The following THOC2 variants were observed in gnomAD, a reference collection of about 807,000 sequenced individuals.
THOC2 encodes the protein THO complex subunit 2.
Under a neutral mutation model 128.4 loss-of-function variants are expected in THOC2, and 10 were observed. The ratio of observed to expected loss-of-function variants is 0.08; its 90% CI spans 0.05 to 0.13. THOC2 has a LOEUF of 0.13. Among genes scored for constraint, THOC2 ranks in the 10% least tolerant of loss-of-function variants. THOC2 has a pLI of 1.00. For missense variants in THOC2, 535 were observed against 1,155.7 expected (o/e 0.46, Z 7.79); for synonymous variants, 393 against 396.9 (o/e 0.99, Z 0.12).
intron 2 of THOC2, among the ~76,000 whole-genome samples, chrX:123,707,597 G>GA (rs1367456556): frequency 1.8e-5 from 2 of 111,004 alleles, no homozygotes; most frequent in Non-Finnish European, 1.9e-5. Context: ...CCCCTTTCCT[G>GA]AAAAAAGATA....
intron 7 of THOC2, 136 bp from the exon 8 acceptor site, chrX:123,686,850 T>A (rs1302319390): frequency 1.6e-5 from 8 of 489,867 alleles, no homozygotes; most frequent in Non-Finnish European, 2.3e-5. Flanking sequence ...ATTTGCTTCC[T>A]CTCTCCCAGA....
intron 26 of THOC2, 109 bp from the exon 27 acceptor site, chrX:123,624,300 G>A (rs1476818819): frequency 5.0e-6 from 4 of 805,036 alleles, no homozygotes; most frequent in Admixed American, 3.9e-5. Flanking sequence ...AACATCATGC[G>A]TATTTGGATA....
rs769738788 is a variant in THOC2 at position 123,678,057 on chromosome X, T to C, written c.769-6296A>G. Among the ~76,000 whole-genome samples the C allele has an allele frequency of 1.2e-4, 13 of 110,070 alleles. No individual in the cohort carries two copies. In the South Asian group the frequency reaches 2.0e-3, roughly 17 times the overall value. On this transcript the variant is annotated intron_variant, in intron 8 of 38. Coordinates refer to ENST00000245838, the MANE Select transcript of THOC2 (RefSeq NM_001081550.2). ...ATAACACTCATGAAGCGGTCATCTA[T>C]GATGACAATGTCTTCTTCTGGAATA...
chrX:123,694,434 G>T (rs144897444), intron 7 of THOC2, among the ~76,000 whole-genome samples: 2 of 109,544 alleles, frequency 1.8e-5, no homozygotes, highest in African/African-American at 3.3e-5. Context: ...GGCCAACATG[G>T]CAAAACTCCA....
intron 12 of THOC2, among the ~76,000 whole-genome samples, chrX:123,660,765 G>A (rs1249440412): frequency 2.7e-5 from 3 of 111,054 alleles, no homozygotes; most frequent in African/African-American, 9.8e-5. Flanking sequence ...CATATTTGTG[G>A]GGTACCTGTG....
chrX:123,644,563 A>G lies in THOC2; in HGVS notation c.1661+12T>C. On this transcript the variant is annotated intron_variant, in intron 15 of 38. Transcript: ENST00000245838. ...TAATTTAGATTAATATGAAAAATAA[A>G]TTAAAACTTACTTCATGATATATTT... The G allele has an allele frequency of 9.1e-7, 1 of 1,099,207 alleles. No individual in the cohort carries two copies. Among genetic ancestry groups the G allele is most frequent in the Non-Finnish European group, 1.2e-6 (1 of 812,467 alleles). 90.6% of individuals were successfully genotyped at this position (1,099,207 alleles called of 1,213,427 possible). A position where few individuals can be genotyped will look rare whatever the true frequency, so the allele number is the denominator to read the frequency against.
chrX:123,703,071 A>C (rs1199273578), intron 4 of THOC2, among the ~76,000 whole-genome samples: 2 of 111,939 alleles, frequency 1.8e-5, no homozygotes, highest in Non-Finnish European at 3.8e-5. Context: ...GAATCAAAAG[A>C]GTACAAGAGC....
At chrX:123,691,895 A>C (rs977418828) in intron 7 of THOC2, among the ~76,000 whole-genome samples, 2 of 112,457 alleles carry the variant, frequency 1.8e-5, no homozygotes, top group African/African-American at 6.5e-5. Context: ...TTTTGTAAAT[A>C]ACATTTTATT....
At chrX:123,701,091 G>A (rs915063594) in intron 4 of THOC2, among the ~76,000 whole-genome samples, 1 of 110,793 alleles carries the variant, frequency 9.0e-6, no homozygotes, top group Non-Finnish European at 1.9e-5. Flanking sequence ...GGTAGCTCAC[G>A]CCTATAATCC....
At chrX:123,719,076 G>A (rs1366146747) in intron 1 of THOC2, among the ~76,000 whole-genome samples, 1 of 108,710 alleles carries the variant, frequency 9.2e-6, no homozygotes, top group Non-Finnish European at 1.9e-5. Context: ...TACTCGGGAG[G>A]CTGAGGCAGG....
At chrX:123,638,695 G>A (rs1177559764) in intron 17 of THOC2, among the ~76,000 whole-genome samples, 2 of 104,601 alleles carry the variant, frequency 1.9e-5, no homozygotes, top group East Asian at 6.0e-4. Context: ...AGCCTAACAT[G>A]TCTCCCTTTA....
intron 19 of THOC2, among the ~76,000 whole-genome samples, chrX:123,634,273 ATAATTGCAAAT>A (rs1159161215): frequency 1.8e-5 from 2 of 111,876 alleles, no homozygotes; most frequent in Non-Finnish European, 3.8e-5. Flanking sequence ...TTACTTGGAA[ATAATTGCAAAT>A]TTACAGATAG....
chrX:123,726,512 CAAAA>C (rs567231605), intron 1 of THOC2, among the ~76,000 whole-genome samples: 3 of 52,599 alleles, frequency 5.7e-5, no homozygotes, highest in Admixed American at 2.3e-4. Flanking sequence ...GACCCTGTCT[CAAAA>C]AAAAAAAAAA....
intron 38 of THOC2, among the ~76,000 whole-genome samples, chrX:123,605,799 A>C (rs1177356701): frequency 9.0e-6 from 1 of 111,545 alleles, no homozygotes; most frequent in Non-Finnish European, 1.9e-5. Flanking sequence ...TCAGTTTCCA[A>C]GTATGAACTG....
In THOC2 at chrX:123,671,741, T is replaced by C. The variant is rs1416454351; in HGVS notation, c.789A>G (p.Pro263=). ...KFYQEPNGET[P]SSLYRVAAVL... The stretch of plus-strand genomic sequence containing the variant: ...CTGCTGCAACTCTGTATAAAGATGA[T>C]GGTGTCTCGCCATTTGGTTCCTAGA... Residue 263 remains proline, a synonymous_variant, in exon 9 of 39, where the codon CCA becomes CCG. Transcript: ENST00000245838. The C allele has an allele frequency of 4.2e-6, 5 of 1,176,932 alleles. No individual in the cohort carries two copies. The highest frequency in any genetic ancestry group is 3.6e-5 in the African/African-American group (2 of 56,334).
rs760589559 is a variant in THOC2, at chrX:123,623,141, C to T, written c.3646G>A (p.Ala1216Thr). ...GGPSSSSIGS[A>T]SKSDESSTEE... ...GTACTGCTTTCATCCGATTTAGATG[C>T]ACTTCCTATTGATGATGAAGAAGGC... The change falls in exon 29 of 39, where the codon GCA (alanine) becomes ACA (threonine). Residue 1216 changes from alanine (A) to threonine (T), a missense_variant. This residue lies in a region of THOC2 where 116 missense variants were observed against 180.0 expected (regional missense o/e 0.64). Coordinates refer to ENST00000245838, the MANE Select transcript of THOC2 (RefSeq NM_001081550.2). 3.3e-6 allele frequency: 4 copies of T among 1,209,541 alleles called. No individual in the cohort carries two copies. The highest frequency in any genetic ancestry group is 5.9e-5 in the East Asian group (2 of 33,764).
chrX:123,627,772 G>C lies in THOC2; in HGVS notation c.2678C>G (p.Ala893Gly). 1 of 1,210,774 alleles carries C rather than the reference G, an allele frequency of 8.3e-7. No individual in the cohort carries two copies. The highest frequency in any genetic ancestry group is 1.1e-6 in the Non-Finnish European group (1 of 894,684). ...TFWSLTMYDL[A>G]VPHTSYEREV... ...TCGTTCATAGCTGGTGTGTGGAACT[G>C]CAAGGTCATACATTGTCAATGACCA... The change falls in exon 23 of 39, where the codon GCA becomes GGA. Residue 893 changes from alanine (A) to glycine (G), a missense_variant. Ala to Gly is a moderately conservative substitution (Grantham distance 60). Around this residue, in one of 9 missense-constraint regions of THOC2, gnomAD observed 90 missense variants for 298.6 expected, o/e 0.30. Coordinates refer to ENST00000245838, the MANE Select transcript of THOC2 (RefSeq NM_001081550.2).
intron 18 of THOC2, among the ~76,000 whole-genome samples, chrX:123,637,238 C>T (rs142067406): frequency 0.024 from 2,645 of 111,457 alleles, 77 homozygotes; most frequent in African/African-American, 0.078. Flanking sequence ...CTTTAAAGGA[C>T]AATGGGGAGC....
At chrX:123,683,493 T>C (rs989905609) in intron 8 of THOC2, among the ~76,000 whole-genome samples, 2 of 111,424 alleles carry the variant, frequency 1.8e-5, no homozygotes, top group African/African-American at 6.5e-5. Flanking sequence ...CTGATTTTCA[T>C]AGCTTTCCTT....
Sources: allele counts gnomAD v4.1 joint callset (sites outside exome capture counted in the v4.1 genomes callset), GRCh38; gene constraint gnomAD v4.1.1; regional missense constraint gnomAD v4.1.1; transcripts MANE v1.5; gene names NCBI Gene and HGNC (gene_info 2026-07-23, HGNC 2026-07-21).